The following PCDHA3 variants were observed in gnomAD, a reference collection of about 807,000 sequenced individuals.
The protein encoded by PCDHA3 is protocadherin alpha-3.
A neutral mutation model predicts 62.2 loss-of-function variants in PCDHA3; 41 were observed. The ratio of observed to expected loss-of-function variants is 0.66; its 90% CI spans 0.51 to 0.86. PCDHA3 has a LOEUF of 0.86. Among genes scored for constraint, PCDHA3 ranks in the 40% least tolerant of loss-of-function variants. PCDHA3 has a pLI of 0.00. For synonymous variants in PCDHA3, 640 were observed against 555.4 expected (o/e 1.15, Z -2.14); for missense variants, 1,304 against 1,241.2 (o/e 1.05, Z -0.76).
chr5:140,912,851 A>C lies in PCDHA3; in HGVS notation c.2395-66098A>C, dbSNP rs564747882. ...TTTTATTAAATGCTTTTTCAGCATCAATTGAAATGATATATGGTTTTTGGT... is the reference window on the plus strand; with the variant it reads ...TTTTATTAAATGCTTTTTCAGCATCCATTGAAATGATATATGGTTTTTGGT... On this transcript the variant is annotated intron_variant, in intron 1 of 3. Coordinates refer to ENST00000522353, the MANE Select transcript of PCDHA3 (RefSeq NM_018906.3). Among the ~76,000 whole-genome samples, 3 of 152,328 alleles carry C rather than the reference A, an allele frequency of 2.0e-5. No individual in the cohort carries two copies. The South Asian group carries it at 6.2e-4, about 32-fold the overall frequency.
chr5:140,862,161 C>G (rs1463036699), intron 1 of PCDHA3: 1 of 163,458 alleles, frequency 6.1e-6, no homozygotes, highest in African/African-American at 2.4e-5. Context: ...ATGAAAGATT[C>G]AAATACAGGC....
At chr5:140,995,936 T>C (rs1554254905) in intron 3 of PCDHA3, among the ~76,000 whole-genome samples, 1 of 152,220 alleles carries the variant, frequency 6.6e-6, no homozygotes, top group Non-Finnish European at 1.5e-5. Context: ...AAGTATTAAA[T>C]GACATAATGC....
At chr5:140,869,139 AC>A in intron 1 of PCDHA3, 1 of 1,613,274 alleles carries the variant, frequency 6.2e-7, no homozygotes. Flanking sequence ...TGGGCACCCC[AC>A]GACTACAGCT....
At chr5:140,828,000 C>A (rs1769482797) in intron 1 of PCDHA3, 30 of 1,490,872 alleles carry the variant, frequency 2.0e-5, no homozygotes, top group Non-Finnish European at 2.6e-5. Flanking sequence ...ATGGCGGACG[C>A]AGAAGAAATG....
chr5:140,950,749 C>G (rs1202993675), intron 1 of PCDHA3, among the ~76,000 whole-genome samples: 5 of 152,002 alleles, frequency 3.3e-5, no homozygotes, highest in African/African-American at 4.8e-5. Flanking sequence ...TTCTCTCTAT[C>G]CTTTCTGGAC....
chr5:140,842,587 G>A (rs1778112450), intron 1 of PCDHA3: 1 of 1,529,428 alleles, frequency 6.5e-7, no homozygotes, highest in Non-Finnish European at 8.9e-7. Flanking sequence ...CGGCCTATGA[G>A]TTGGTGGTAA....
intron 1 of PCDHA3, among the ~76,000 whole-genome samples, chr5:140,890,099 A>G (rs1301934861): frequency 2.0e-5 from 3 of 152,086 alleles, no homozygotes; most frequent in African/African-American, 7.2e-5. Context: ...TTTATTCCCA[A>G]CTCTGGATTC....
At position 140,856,042 on chromosome 5, in the gene PCDHA3, G is replaced by A. The variant is rs149114226; in HGVS notation, c.2394+52451G>A. On this transcript the variant is annotated intron_variant, in intron 1 of 3. Transcript: ENST00000522353. ...TTCGTCGATTTGTAAAACAAGAGAA[G>A]GATAAGATGGTTTCCAGATGTAGCT... 68 of 1,579,466 alleles carry A rather than the reference G, an allele frequency of 4.3e-5. 8 individuals carry two copies. The Admixed American group carries it at 1.1e-3, about 26-fold the overall frequency.
intron 3 of PCDHA3, among the ~76,000 whole-genome samples, chr5:140,990,137 G>C (rs548002411): frequency 2.0e-4 from 31 of 152,224 alleles, no homozygotes; most frequent in African/African-American, 7.2e-4. Context: ...TCAGACTCAA[G>C]AGGCATAATA....
At chr5:140,867,604 A>C (rs1420460822) in intron 1 of PCDHA3, 1 of 152,164 alleles carries the variant, frequency 6.6e-6, no homozygotes, top group Non-Finnish European at 1.5e-5. Flanking sequence ...GAGATAAACC[A>C]TCAAAACTAT....
intron 1 of PCDHA3, among the ~76,000 whole-genome samples, chr5:140,974,059 G>A (rs1233997260): frequency 6.6e-6 from 1 of 152,180 alleles, no homozygotes; most frequent in Non-Finnish European, 1.5e-5. Context: ...AATATTTGGA[G>A]CAGTATAATC....
intron 1 of PCDHA3, among the ~76,000 whole-genome samples, chr5:140,826,894 G>A (rs1466105298): frequency 6.6e-6 from 1 of 152,116 alleles, no homozygotes; most frequent in East Asian, 1.9e-4. Context: ...TACTCATAAA[G>A]ATAAATATGA....
chr5:140,857,296 G>A, intron 1 of PCDHA3: 1 of 1,598,680 alleles, frequency 6.3e-7, no homozygotes, highest in Non-Finnish European at 8.6e-7. Flanking sequence ...ACCGCGAGAG[G>A]GTGTCGGCCT....
intron 1 of PCDHA3, among the ~76,000 whole-genome samples, chr5:140,845,212 T>C (rs1779759360): frequency 6.7e-6 from 1 of 149,366 alleles, no homozygotes; most frequent in South Asian, 2.1e-4. Context: ...TTTAAGTCCT[T>C]TTAAAAAATA....
chr5:140,918,750 CAG>C (rs2078839943), intron 1 of PCDHA3, among the ~76,000 whole-genome samples: 1 of 152,070 alleles, frequency 6.6e-6, no homozygotes, highest in African/African-American at 2.4e-5. Flanking sequence ...AAAAGAGGCC[CAG>C]AGAGGTGCCT....
At chr5:140,927,669 T>G in intron 1 of PCDHA3, 1 of 1,614,106 alleles carries the variant, frequency 6.2e-7, no homozygotes. Context: ...AAGCCTTGGA[T>G]CCAGATGAAG....
chr5:140,875,928 T>C (rs782425352), intron 1 of PCDHA3: 1 of 1,614,188 alleles, frequency 6.2e-7, no homozygotes, highest in South Asian at 1.1e-5. Flanking sequence ...ACTCTCATTT[T>C]CCTCTAGAGG....
intron 1 of PCDHA3, chr5:140,967,577 C>G (rs141338011): frequency 1.2e-6 from 2 of 1,614,016 alleles, no homozygotes; most frequent in Non-Finnish European, 1.7e-6. Flanking sequence ...GGAGGACTCA[C>G]CCCCAGGCAC....
At chr5:140,947,949 AT>A (rs1326528139) in intron 1 of PCDHA3, among the ~76,000 whole-genome samples, 1 of 151,494 alleles carries the variant, frequency 6.6e-6, no homozygotes, top group African/African-American at 2.4e-5. Context: ...AGTGTTCCAT[AT>A]TTTACAATTA....
Sources: allele counts gnomAD v4.1 joint callset (sites outside exome capture counted in the v4.1 genomes callset), GRCh38; gene constraint gnomAD v4.1.1; transcripts MANE v1.5; gene names NCBI Gene and HGNC (gene_info 2026-07-23, HGNC 2026-07-21).